The following PHLPP1 variants were observed in gnomAD, a reference collection of about 807,000 sequenced individuals.
PHLPP1 encodes the protein PH domain leucine-rich repeat-containing protein phosphatase 1.
A neutral mutation model predicts 117.2 loss-of-function variants in PHLPP1; 42 were observed. The observed-to-expected ratio is 0.36, with a 90% CI of 0.28 to 0.46. PHLPP1 has a LOEUF of 0.46. Ranked by LOEUF, PHLPP1 falls within the 20% of genes least tolerant of loss-of-function variation. The probability of loss-of-function intolerance (pLI) is 1.00; values close to 1 mark genes in which losing one functional copy is unlikely to be tolerated. For missense variants in PHLPP1, 2,084 were observed against 2,241.9 expected, an observed-to-expected ratio of 0.93 and a Z score of 1.42; for synonymous variants, 1,042 against 970.7, an observed-to-expected ratio of 1.07 and a Z score of -1.37.
At chr18:62,729,153 A>C (rs998003120) in intron 1 of PHLPP1, among the ~76,000 whole-genome samples, 1 of 152,250 alleles carries the variant, frequency 6.6e-6, no homozygotes, top group Admixed American at 6.5e-5. Context: ...AACATCTGCC[A>C]TCTTTGGCAA....
intron 2 of PHLPP1, among the ~76,000 whole-genome samples, chr18:62,834,654 T>C (rs1019917832): frequency 6.6e-6 from 1 of 152,194 alleles, no homozygotes; most frequent in Non-Finnish European, 1.5e-5. Context: ...TTTCTCCACA[T>C]CTTCACCAAC....
intron 3 of PHLPP1, among the ~76,000 whole-genome samples, chr18:62,849,084 G>T (rs142451270): frequency 4.4e-4 from 67 of 152,280 alleles, no homozygotes; most frequent in African/African-American, 1.5e-3. Context: ...GGAGTATGCT[G>T]CTAAAAGACA....
intron 14 of PHLPP1, among the ~76,000 whole-genome samples, chr18:62,969,977 G>T (rs1482661542): frequency 1.3e-5 from 2 of 151,966 alleles, no homozygotes; most frequent in East Asian, 3.9e-4. Context: ...ATATGGTTAG[G>T]TTTAAACCTT....
chr18:62,777,745 A>G (rs1277699417), intron 1 of PHLPP1, among the ~76,000 whole-genome samples: 1 of 152,164 alleles, frequency 6.6e-6, no homozygotes, highest in African/African-American at 2.4e-5. Flanking sequence ...TGTTTTAGAA[A>G]GGACTCATCC....
intron 1 of PHLPP1, among the ~76,000 whole-genome samples, chr18:62,780,424 C>T (rs887832731): frequency 4.6e-5 from 7 of 152,210 alleles, no homozygotes; most frequent in African/African-American, 1.7e-4. Flanking sequence ...CTTTGGAAGT[C>T]ATTTGAGAAT....
intron 1 of PHLPP1, among the ~76,000 whole-genome samples, chr18:62,786,806 A>T (rs1913301349): frequency 6.6e-6 from 1 of 152,226 alleles, no homozygotes; most frequent in Non-Finnish European, 1.5e-5. Context: ...GTGCCAAAGA[A>T]GTAATGACAT....
intron 10 of PHLPP1, among the ~76,000 whole-genome samples, chr18:62,933,128 G>A (rs1331930664): frequency 6.6e-6 from 1 of 152,122 alleles, no homozygotes; most frequent in East Asian, 1.9e-4. Context: ...ACAAACAAGT[G>A]GAAAAACATT....
At chr18:62,815,649 T>C (rs1914251122) in intron 1 of PHLPP1, among the ~76,000 whole-genome samples, 1 of 152,210 alleles carries the variant, frequency 6.6e-6, no homozygotes, top group Non-Finnish European at 1.5e-5. Flanking sequence ...GAGGAAGCTA[T>C]ATGCTTTTAT....
intron 12 of PHLPP1, among the ~76,000 whole-genome samples, chr18:62,952,856 A>C (rs1188924125): frequency 6.6e-6 from 1 of 152,136 alleles, no homozygotes; most frequent in Non-Finnish European, 1.5e-5. Context: ...TCCTGGCCTC[A>C]AGCAATCCTT....
chr18:62,821,154 T>C (rs540154082), intron 1 of PHLPP1, among the ~76,000 whole-genome samples: 277 of 152,184 alleles, frequency 1.8e-3, no homozygotes, highest in African/African-American at 6.5e-3. Flanking sequence ...AAGATGGACC[T>C]AGTGCGTTGG....
chr18:62,825,570 C>T (rs961971675), intron 1 of PHLPP1: 4 of 151,530 alleles, frequency 2.6e-5, no homozygotes, highest in Non-Finnish European at 2.9e-5. Context: ...AAGCAGACTT[C>T]TCACCTCAAC....
At chr18:62,940,435 G>A (rs138564884) in intron 10 of PHLPP1, among the ~76,000 whole-genome samples, 52 of 119,296 alleles carry the variant, frequency 4.4e-4, no homozygotes, top group African/African-American at 1.5e-3. Context: ...TGCGATCTCC[G>A]CTCACTGCAA....
intron 1 of PHLPP1, among the ~76,000 whole-genome samples, chr18:62,749,103 A>G (rs1911765263): frequency 6.6e-6 from 1 of 152,098 alleles, no homozygotes; most frequent in African/African-American, 2.4e-5. Context: ...TAGGTGTTAC[A>G]CTTTTCTCTA....
chr18:62,805,415 G>A, intron 1 of PHLPP1, among the ~76,000 whole-genome samples: 1 of 151,814 alleles, frequency 6.6e-6, no homozygotes, highest in East Asian at 1.9e-4. Flanking sequence ...TTATACAGTG[G>A]TATAATCATA....
intron 1 of PHLPP1, among the ~76,000 whole-genome samples, chr18:62,774,782 G>A (rs1450277355): frequency 1.3e-5 from 2 of 151,578 alleles, no homozygotes; most frequent in Admixed American, 1.3e-4. Context: ...AATGTTTTCT[G>A]TGTACAAACA....
intron 12 of PHLPP1, among the ~76,000 whole-genome samples, chr18:62,950,176 G>A (rs1157969069): frequency 6.6e-6 from 1 of 152,170 alleles, no homozygotes; most frequent in African/African-American, 2.4e-5. Context: ...TCTAAGAACA[G>A]CATCTTTTTA....
chr18:62,820,263 C>T (rs1914408799), intron 1 of PHLPP1, among the ~76,000 whole-genome samples: 2 of 152,162 alleles, frequency 1.3e-5, no homozygotes, highest in Non-Finnish European at 2.9e-5. Flanking sequence ...ATTTCAATGT[C>T]TTTCTCTCAA....
At chr18:62,736,080 G>GCATCTAAT (rs1294545386) in intron 1 of PHLPP1, among the ~76,000 whole-genome samples, 3 of 152,186 alleles carry the variant, frequency 2.0e-5, no homozygotes, top group African/African-American at 7.2e-5. Flanking sequence ...GGGGCAGAGA[G>GCATCTAAT]CATCTAATAG....
intron 6 of PHLPP1, among the ~76,000 whole-genome samples, chr18:62,898,549 G>A (rs1297482026): frequency 6.6e-6 from 1 of 152,064 alleles, no homozygotes; most frequent in Non-Finnish European, 1.5e-5. Context: ...CCTCATATTT[G>A]GTTTCAGCCC....
Sources: allele counts gnomAD v4.1 joint callset (sites outside exome capture counted in the v4.1 genomes callset), GRCh38; gene constraint gnomAD v4.1.1; transcripts MANE v1.5; gene names NCBI Gene and HGNC (gene_info 2026-07-23, HGNC 2026-07-21).